The following SF3B2 variants were observed in gnomAD, a reference collection of about 807,000 sequenced individuals.
SF3B2 encodes the protein SAP 145.
SF3B2 carries 22 observed loss-of-function variants against 116.3 expected under a neutral mutation model. The ratio of observed to expected loss-of-function variants is 0.19; its 90% CI spans 0.14 to 0.27. The LOEUF is 0.27. SF3B2 is among the 10% of genes least tolerant of loss of function. SF3B2 has a pLI of 1.00. For missense variants in SF3B2, 767 were observed against 1,151.4 expected (o/e 0.67, Z 4.83); for synonymous variants, 406 against 421.6 (o/e 0.96, Z 0.45).
intron 6 of SF3B2, 46 bp from the exon 7 acceptor site, chr11:66,057,220 G>C: frequency 8.3e-7 from 1 of 1,201,780 alleles, no homozygotes; most frequent in Non-Finnish European, 1.2e-6. Flanking sequence ...TTTTACGTGA[G>C]TGTTTTGCCT....
Position 66,057,322 on chromosome 11 carries a change from C to T in SF3B2, c.724C>T (p.Pro242Ser). Reference sequence around the variant, plus strand: ...TCCTACAGTTTTGCCCATGGGAGCCCCTGTTCCCCGGCCTCGTGGTCCCCC... The same window carrying T: ...TCCTACAGTTTTGCCCATGGGAGCCTCTGTTCCCCGGCCTCGTGGTCCCCC... The part of the protein sequence containing the change: ...PTPTVLPMGA[P>S]VPRPRGPPPP... The change falls in exon 7 of 22, where the codon CCT becomes TCT. Residue 242 changes from proline to serine, a missense_variant. Around this residue, in one of 4 missense-constraint regions of SF3B2, gnomAD observed 455 missense variants for 537.5 expected, o/e 0.85. Transcript: ENST00000322535. The T allele has an allele frequency of 6.2e-7, 1 of 1,609,164 alleles. No homozygotes were observed. The highest frequency in any genetic ancestry group is 1.1e-5 in the South Asian group (1 of 90,994).
At chr11:66,052,967 G>A (rs1856913245) in intron 2 of SF3B2, 60 bp from the exon 3 acceptor site, 13 of 1,529,404 alleles carry the variant, frequency 8.5e-6, no homozygotes, top group African/African-American at 1.4e-5. Flanking sequence ...AATTGGGAGC[G>A]AACGTCGTTT....
rs560704373 is a variant in SF3B2 at position 66,059,752 on chromosome 11, C to G, written c.1402-30C>G. The G allele has an allele frequency of 2.5e-6, 4 of 1,611,358 alleles. No homozygotes were observed. Among genetic ancestry groups the G allele is most frequent in the Non-Finnish European group, 2.5e-6 (3 of 1,177,726 alleles). ...TTCAGAACTGAGAAGTCGGGGCTCT[C>G]GAGAACACGCATTACTATGTGTTTT... On this transcript the variant is annotated intron_variant, in intron 12 of 21. Transcript: ENST00000322535. The surrounding 1 kb of genome is among the most constrained non-coding windows in gnomAD (Gnocchi z 5.0).
At chr11:66,053,951 AG>A (rs1416802939) in intron 3 of SF3B2, 9 of 151,644 alleles carry the variant, frequency 5.9e-5, no homozygotes, top group African/African-American at 2.2e-4. Flanking sequence ...TGAGAGGCCA[AG>A]GCAGGTGGAT....
rs760305869 is a variant in SF3B2 at position 66,059,052 on chromosome 11, G to A, written c.1182+7G>A. 13 of 1,613,436 alleles carry A rather than the reference G, an allele frequency of 8.1e-6. No homozygotes were observed. In the Admixed American group the frequency reaches 1.3e-4, roughly 17 times the overall value. On this transcript the variant is annotated splice_region_variant and intron_variant, in intron 10 of 21. Transcript: ENST00000322535. This position sits in a 1 kb window ranked among gnomAD's most constrained non-coding sequence, Gnocchi z 5.0. The stretch of plus-strand genomic sequence containing the variant: ...GATCTTTGAGGCTTTTAAGGTACAA[G>A]GAGAGCACACTAGGAAGGGGCAGTG...
At chr11:66,054,638 A>T (rs1226135795) in intron 3 of SF3B2, among the ~76,000 whole-genome samples, 1 of 152,138 alleles carries the variant, frequency 6.6e-6, no homozygotes, top group African/African-American at 2.4e-5. Flanking sequence ...CCTTGCGTTT[A>T]GTAGTCATTG....
chr11:66,068,564 C>A, intron 21 of SF3B2, 110 bp from the exon 22 acceptor site: 2 of 986,410 alleles, frequency 2.0e-6, no homozygotes, highest in South Asian at 1.5e-5. Flanking sequence ...AATTCAGATT[C>A]AGCGCCTTTC....
chr11:66,055,250 G>A lies in SF3B2; in HGVS notation c.433G>A (p.Glu145Lys). ...VGEPVALSEE[E>K]RLKLAQQQAA... is the part of the protein sequence containing the mutation. ...TGAGCCAGTGGCACTGTCAGAGGAG[G>A]AGCGGCTGAAGTTGGCTCAGCAGCA... The change falls in exon 4 of 22, where the codon GAG (glutamate) becomes AAG (lysine). Residue 145 changes from glutamate to lysine, a missense_variant. Coordinates refer to ENST00000322535, the MANE Select transcript of SF3B2 (RefSeq NM_006842.3). The A allele has an allele frequency of 6.2e-7, 1 of 1,613,984 alleles. No individual in the cohort carries two copies. Among genetic ancestry groups the A allele is most frequent in the Non-Finnish European group, 8.5e-7 (1 of 1,179,922 alleles).
chr11:66,068,642 G>A (rs1857234863), intron 21 of SF3B2, 32 bp from the exon 22 acceptor site: 1 of 1,609,982 alleles, frequency 6.2e-7, no homozygotes, highest in Non-Finnish European at 8.5e-7. Context: ...GGTTCAACCT[G>A]TCTTAACCTG....
In SF3B2 at chr11:66,055,246, G is replaced by A. The variant is rs1179749183; in HGVS notation, c.429G>A (p.Glu143=). The A allele has an allele frequency of 6.2e-7, 1 of 1,613,916 alleles. No homozygotes were observed. The highest frequency in any genetic ancestry group is 1.3e-5 in the African/African-American group (1 of 74,948). The change falls in exon 4 of 22, where the codon GAG becomes GAA. Residue 143 remains glutamate (E), a synonymous_variant. Transcript: ENST00000322535. ...TGGGTGAGCCAGTGGCACTGTCAGA[G>A]GAGGAGCGGCTGAAGTTGGCTCAGC... ...LRVGEPVALS[E]EERLKLAQQQ...
rs1443744106 is a variant in SF3B2 at position 66,063,000 on chromosome 11, G to C, written c.1978-9G>C. On this transcript the variant is annotated splice_polypyrimidine_tract_variant and intron_variant, in intron 16 of 21. Coordinates refer to ENST00000322535, the MANE Select transcript of SF3B2 (RefSeq NM_006842.3). ...AAGGAGTGAACTGATTGTGCTCACT[G>C]TCTTGCAGAGCTGTTCCTTTGGGTA... The C allele has an allele frequency of 1.2e-6, 2 of 1,606,922 alleles. No individual in the cohort carries two copies. Among genetic ancestry groups the C allele is most frequent in the South Asian group, 1.1e-5 (1 of 90,578 alleles).
At chr11:66,062,067 T>C in intron 16 of SF3B2, 69 bp downstream of exon 16, 1 of 1,104,790 alleles carries the variant, frequency 9.1e-7, no homozygotes, top group Non-Finnish European at 1.3e-6. Flanking sequence ...TTGTTTGTTT[T>C]CCTTCTCTAA....
chr11:66,066,053 TTAG>T (rs1475704428), intron 19 of SF3B2: 1 of 152,182 alleles, frequency 6.6e-6, no homozygotes, highest in Non-Finnish European at 1.5e-5. Context: ...TTTTGTATTT[TTAG>T]TAGAGACAGG....
intron 19 of SF3B2, 25 bp downstream of exon 19, chr11:66,063,754 A>C (rs772620158): frequency 1.9e-6 from 3 of 1,551,842 alleles, no homozygotes. Context: ...CAGGGCTGAG[A>C]GGGGAGGACC....
At chr11:66,060,507 T>C in intron 13 of SF3B2, 75 bp from the exon 14 acceptor site, 1 of 1,552,284 alleles carries the variant, frequency 6.4e-7, no homozygotes, top group Non-Finnish European at 8.8e-7. Context: ...TGATCTCATT[T>C]GGAGTTGGGA....
intron 3 of SF3B2, 30 bp from the exon 4 acceptor site, chr11:66,055,046 C>T: frequency 8.0e-6 from 12 of 1,497,228 alleles, no homozygotes; most frequent in Non-Finnish European, 1.1e-5. Context: ...ATAAATGCTT[C>T]CTAGTTTTAT....
At chr11:66,067,085 ACT>A (rs1565092773) in intron 19 of SF3B2, 1 of 228,706 alleles carries the variant, frequency 4.4e-6, no homozygotes, top group Non-Finnish European at 8.8e-6. Flanking sequence ...CTTGAAAACC[ACT>A]GTTTCATATA....
At chr11:66,067,856 G>A in intron 19 of SF3B2, 90 bp from the exon 20 acceptor site, 2 of 985,760 alleles carry the variant, frequency 2.0e-6, no homozygotes, top group Non-Finnish European at 3.1e-6. Context: ...CCAAGGCGCT[G>A]AGTGGAGGTG....
intron 19 of SF3B2, chr11:66,064,979 T>G (rs1857156761): frequency 6.6e-6 from 1 of 152,158 alleles, no homozygotes; most frequent in Non-Finnish European, 1.5e-5. Context: ...ACACTTTTTT[T>G]TTTCTTCTTT....
Sources: gnomAD v4.1 joint callset for allele counts (sites outside exome capture counted in the v4.1 genomes callset) on GRCh38, gnomAD v4.1.1 for gene constraint, gnomAD v4.1.1 regional missense constraint, Gnocchi (gnomAD v3.1) non-coding constraint, MANE v1.5 for transcripts, NCBI Gene and HGNC (gene_info 2026-07-23, HGNC 2026-07-21) for gene names.